KCNK13: variants seen among roughly 807,000 people sequenced by gnomAD.
KCNK13 encodes the protein potassium two pore domain channel subfamily K member 13, also known as potassium channel subfamily K member 13.
A neutral mutation model predicts 23.4 loss-of-function variants in KCNK13; 12 were observed. That is an observed-to-expected ratio of 0.51 (90% CI 0.33 to 0.83). The LOEUF is 0.83. KCNK13 is among the 40% of genes least tolerant of loss of function. The probability of loss-of-function intolerance (pLI) is 0.02; values close to 1 mark genes in which losing one functional copy is unlikely to be tolerated. For missense variants in KCNK13, 463 were observed against 556.3 expected (o/e 0.83, Z 1.69); for synonymous variants, 231 against 229.5 (o/e 1.01, Z -0.06).
chr14:90,070,007 A>G (rs1889054999), intron 1 of KCNK13, among the ~76,000 whole-genome samples: 2 of 152,226 alleles, frequency 1.3e-5, no homozygotes, highest in Non-Finnish European at 2.9e-5. Context: ...AATCATCCAT[A>G]ATTCTACCAA....
rs578133301 is a variant in KCNK13, at chr14:90,181,871, C to CT, written c.335-2235dup. On this transcript the variant is annotated intron_variant, in intron 1 of 1. Transcript: ENST00000282146. ...AATGGCCCCAGACAAATGTTTCCCC[C>CT]TTTTTCTGCCTGTTTGCTGCATTCA... Among the ~76,000 whole-genome samples the CT allele has an allele frequency of 9.7e-4, 148 of 152,248 alleles. 5 individuals are homozygous for CT. In the South Asian group the frequency reaches 0.03, roughly 31 times the overall value.
intron 1 of KCNK13, among the ~76,000 whole-genome samples, chr14:90,125,662 G>A (rs575669231): frequency 6.6e-6 from 1 of 151,808 alleles, no homozygotes; most frequent in South Asian, 2.1e-4. Context: ...ATGTCAAAGA[G>A]ACACAGGACT....
chr14:90,065,840 G>T (rs1408006182), intron 1 of KCNK13, among the ~76,000 whole-genome samples: 1 of 152,194 alleles, frequency 6.6e-6, no homozygotes, highest in East Asian at 1.9e-4. Context: ...GAATGGTGGG[G>T]AATCCCATGG....
intron 1 of KCNK13, among the ~76,000 whole-genome samples, chr14:90,168,232 G>A (rs1018455618): frequency 1.3e-5 from 2 of 152,072 alleles, no homozygotes; most frequent in African/African-American, 4.8e-5. Context: ...AAATTAGTCA[G>A]GCATGGTGGT....
chr14:90,142,322 T>C (rs1045631737), intron 1 of KCNK13, among the ~76,000 whole-genome samples: 19 of 135,666 alleles, frequency 1.4e-4, no homozygotes, highest in Non-Finnish European at 1.6e-5. Context: ...TCTTTTTTTT[T>C]TTTTTTTTTT....
intron 1 of KCNK13, among the ~76,000 whole-genome samples, chr14:90,135,877 T>A (rs1318003754): frequency 6.6e-6 from 1 of 152,170 alleles, no homozygotes; most frequent in Non-Finnish European, 1.5e-5. Context: ...AGCCAGGATG[T>A]TGATAAGCTG....
At chr14:90,115,256 G>T (rs1298366681) in intron 1 of KCNK13, among the ~76,000 whole-genome samples, 1 of 152,182 alleles carries the variant, frequency 6.6e-6, no homozygotes, top group Non-Finnish European at 1.5e-5. Context: ...GTGAATCTCT[G>T]AAGGGTAATT....
chr14:90,124,037 C>T (rs1001869438), intron 1 of KCNK13, among the ~76,000 whole-genome samples: 1 of 152,214 alleles, frequency 6.6e-6, no homozygotes. Context: ...AACCTTGTTT[C>T]ACTGAAATGC....
intron 1 of KCNK13, among the ~76,000 whole-genome samples, chr14:90,136,895 T>C (rs1889943419): frequency 6.6e-6 from 1 of 152,144 alleles, no homozygotes; most frequent in Non-Finnish European, 1.5e-5. Context: ...CTTTAAAGTC[T>C]CAAGGTGATG....
intron 1 of KCNK13, among the ~76,000 whole-genome samples, chr14:90,098,118 A>C (rs1044391047): frequency 1.3e-5 from 2 of 152,122 alleles, no homozygotes; most frequent in African/African-American, 4.8e-5. Flanking sequence ...TGTGCCACAC[A>C]TTCACCTGTG....
intron 1 of KCNK13, among the ~76,000 whole-genome samples, chr14:90,077,440 C>A (rs1889153618): frequency 6.6e-6 from 1 of 152,066 alleles, no homozygotes; most frequent in African/African-American, 2.4e-5. Context: ...AATTTTTCTT[C>A]AAATATTTCC....
intron 1 of KCNK13, among the ~76,000 whole-genome samples, chr14:90,079,290 G>A (rs140999419): frequency 1.3e-5 from 2 of 152,296 alleles, no homozygotes; most frequent in Non-Finnish European, 2.9e-5. Flanking sequence ...ATTTATCAAG[G>A]AAGTGCTCCC....
At chr14:90,174,974 T>G (rs1312996205) in intron 1 of KCNK13, among the ~76,000 whole-genome samples, 1 of 152,120 alleles carries the variant, frequency 6.6e-6, no homozygotes, top group Non-Finnish European at 1.5e-5. Context: ...AGGAAGAACT[T>G]TAGAACAAAG....
chr14:90,086,969 G>A (rs928339663), intron 1 of KCNK13, among the ~76,000 whole-genome samples: 1 of 151,750 alleles, frequency 6.6e-6, no homozygotes, highest in Non-Finnish European at 1.5e-5. Context: ...GGATGAGCAG[G>A]GCCTGTAGCT....
chr14:90,184,410 G>A lies in KCNK13; in HGVS notation c.634G>A (p.Ala212Thr), dbSNP rs776546300. 17 of 1,614,216 alleles carry A rather than the reference G, an allele frequency of 1.1e-5. No individual in the cohort carries two copies. Among genetic ancestry groups the A allele is most frequent in the South Asian group, 4.4e-5 (4 of 91,086 alleles). ...CTASILISCC[A>T]SAMYTPIEGW... ...AGCCTCCATCCTCATCTCTTGCTGC[G>A]CCTCAGCCATGTACACCCCCATTGA... The change falls in exon 2 of 2, where the codon GCC becomes ACC. Residue 212 changes from alanine to threonine, a missense_variant. Physicochemically the swap from Ala to Thr is moderately conservative, Grantham distance 58. Coordinates refer to ENST00000282146, the MANE Select transcript of KCNK13 (RefSeq NM_022054.4). This position sits in a 1 kb window ranked among gnomAD's most constrained non-coding sequence, Gnocchi z 5.6.
chr14:90,149,217 A>G (rs6575106), intron 1 of KCNK13, among the ~76,000 whole-genome samples: 9,884 of 152,172 alleles, frequency 0.065, 417 homozygotes, highest in South Asian at 0.21. Context: ...TTAGCCAGGC[A>G]TGGTGGTGCA....
chr14:90,065,849 G>A (rs1453159719), intron 1 of KCNK13, among the ~76,000 whole-genome samples: 1 of 152,216 alleles, frequency 6.6e-6, no homozygotes, highest in Non-Finnish European at 1.5e-5. Flanking sequence ...GGAATCCCAT[G>A]GAAGGCAGAG....
At chr14:90,126,878 C>G (rs888586754) in intron 1 of KCNK13, among the ~76,000 whole-genome samples, 1 of 152,044 alleles carries the variant, frequency 6.6e-6, no homozygotes, top group Admixed American at 6.6e-5. Context: ...AGGCAAATTC[C>G]AATTGAGGGA....
chr14:90,078,406 C>CAA (rs1889165439), intron 1 of KCNK13, among the ~76,000 whole-genome samples: 1 of 56,230 alleles, frequency 1.8e-5, no homozygotes, highest in Admixed American at 2.3e-4. Flanking sequence ...AGTGACAGAG[C>CAA]AAGACAGTCT....
Sources: allele counts gnomAD v4.1 joint callset (sites outside exome capture counted in the v4.1 genomes callset), GRCh38; gene constraint gnomAD v4.1.1; non-coding constraint Gnocchi (gnomAD v3.1); transcripts MANE v1.5; gene names NCBI Gene and HGNC (gene_info 2026-07-23, HGNC 2026-07-21).